The following PTBP3 variants were observed in gnomAD, a reference collection of about 807,000 sequenced individuals.
PTBP3 encodes polypyrimidine tract-binding protein 3.
PTBP3 carries 20 observed loss-of-function variants against 58.7 expected under a neutral mutation model. The observed-to-expected ratio is 0.34, with a 90% CI of 0.24 to 0.50. The LOEUF (loss-of-function observed/expected upper bound fraction) is 0.50. Among genes scored for constraint, PTBP3 ranks in the 20% least tolerant of loss-of-function variants. The pLI is 0.98. For synonymous variants in PTBP3, 185 were observed against 219.8 expected (o/e 0.84, Z 1.40); for missense variants, 509 against 637.2 (o/e 0.80, Z 2.17).
intron 2 of PTBP3, among the ~76,000 whole-genome samples, chr9:112,291,979 TA>T (rs1218537148): frequency 6.6e-6 from 1 of 151,916 alleles, no homozygotes; most frequent in Non-Finnish European, 1.5e-5. Flanking sequence ...TGGGGGTTAA[TA>T]ATCAGAATAC....
the PTBP3 span, among the ~76,000 whole-genome samples, chr9:112,373,250 A>G: frequency 3.3e-5 from 5 of 152,288 alleles, no homozygotes; most frequent in South Asian, 6.2e-4. Context: ...ACAATAAGCC[A>G]TGTACAAGCT....
chr9:112,238,025 A>T (rs1364740397), intron 7 of PTBP3, among the ~76,000 whole-genome samples: 1 of 152,192 alleles, frequency 6.6e-6, no homozygotes, highest in Non-Finnish European at 1.5e-5. Context: ...TTCTCTCTGG[A>T]GGAACAAACA....
chr9:112,252,951 T>C (rs1030786752), intron 5 of PTBP3, among the ~76,000 whole-genome samples, 163 bp from the exon 6 acceptor site: 1 of 152,198 alleles, frequency 6.6e-6, no homozygotes, highest in African/African-American at 2.4e-5. Flanking sequence ...TCAATACCCA[T>C]GACTATCTTA....
intron 1 of PTBP3, among the ~76,000 whole-genome samples, chr9:112,300,526 G>A (rs1212772118): frequency 1.3e-5 from 2 of 152,130 alleles, no homozygotes; most frequent in Non-Finnish European, 2.9e-5. Context: ...GGCTTGGCGG[G>A]CGGATCACAA....
In PTBP3 at chr9:112,220,063, C is replaced by T. The variant is rs1834749869; in HGVS notation, c.*3788G>A. On this transcript the variant is annotated 3_prime_UTR_variant, in exon 14 of 14. Coordinates refer to ENST00000374257, the MANE Select transcript of PTBP3 (RefSeq NM_001163788.4). The stretch of plus-strand genomic sequence containing the variant: ...TTAACAGATCAAGACAAAGGAAAGG[C>T]TAAGAAAAATGCTTTACGCATCGTC... The T allele has an allele frequency of 1.7e-6, 2 of 1,170,700 alleles. No homozygotes were observed. The highest frequency in any genetic ancestry group is 1.2e-4 in the East Asian group (2 of 16,266). The allele number at this position is 1,170,700 out of a possible 1,614,324, so 72.5% of individuals were successfully genotyped here. A position where few individuals can be genotyped will look rare whatever the true frequency, so the allele number is the denominator to read the frequency against.
chr9:112,346,563 A>G, the PTBP3 span, among the ~76,000 whole-genome samples: 1 of 152,256 alleles, frequency 6.6e-6, no homozygotes, highest in Non-Finnish European at 1.5e-5. Flanking sequence ...TACCAACCTC[A>G]TACCCATATA....
intron 1 of PTBP3, among the ~76,000 whole-genome samples, chr9:112,327,938 C>T (rs939301800): frequency 6.6e-6 from 1 of 152,146 alleles, no homozygotes; most frequent in Non-Finnish European, 1.5e-5. Context: ...ACACTGGAAA[C>T]ACAGTAGTGA....
At chr9:112,230,639 A>C (rs953652127) in intron 10 of PTBP3, among the ~76,000 whole-genome samples, 1 of 152,224 alleles carries the variant, frequency 6.6e-6, no homozygotes, top group Admixed American at 6.5e-5. Flanking sequence ...GTAGTGAAAT[A>C]ATCTACCCTT....
intron 7 of PTBP3, among the ~76,000 whole-genome samples, chr9:112,246,880 C>A (rs1835900781): frequency 6.6e-6 from 1 of 152,070 alleles, no homozygotes; most frequent in Admixed American, 6.5e-5. Flanking sequence ...CATCATGTGT[C>A]TCCTAATGTA....
upstream of PTBP3, among the ~76,000 whole-genome samples, chr9:112,334,321 G>C (rs1432390730): frequency 6.6e-6 from 1 of 152,054 alleles, no homozygotes; most frequent in Admixed American, 6.5e-5. Flanking sequence ...GTACAAACAT[G>C]GAATGGCTAT....
rs761503557 is a variant in PTBP3 at position 112,250,909 on chromosome 9, C to A, written c.802+20G>T. The A allele has an allele frequency of 6.1e-6, 9 of 1,475,754 alleles. No individual in the cohort carries two copies. The African/African-American group carries it at 8.6e-5, about 14-fold the overall frequency. The allele number at this position is 1,475,754 out of a possible 1,614,324, so 91.4% of individuals were successfully genotyped here. On this transcript the variant is annotated intron_variant, in intron 7 of 13. Coordinates refer to ENST00000374257, the MANE Select transcript of PTBP3 (RefSeq NM_001163788.4). ...TAACTTCAGAAAACTTGCTTTGTGA[C>A]CCAAAAAAGAACTACTCACCAAAAG...
the PTBP3 span, among the ~76,000 whole-genome samples, chr9:112,358,169 G>C: frequency 2.6e-5 from 4 of 152,192 alleles, no homozygotes; most frequent in African/African-American, 9.6e-5. Flanking sequence ...AATTAGCTGG[G>C]CGTGGTGGCA....
rs1259604860 is a variant in PTBP3 at position 112,271,362 on chromosome 9, T to TTA, written c.205-3169_205-3168dup. On this transcript the variant is annotated intron_variant, in intron 3 of 13. Coordinates refer to ENST00000374257, the MANE Select transcript of PTBP3 (RefSeq NM_001163788.4). ...CTCCAGTGAGCATTTCCTTTGACTG[T>TTA]TATGGTGCTCAAAAAGTTTCAGATT... 3.3e-5 allele frequency among the ~76,000 whole-genome samples: 5 copies of TTA among 152,342 alleles called. No homozygotes were observed. In the East Asian group the frequency reaches 9.6e-4, roughly 29 times the overall value.
At chr9:112,299,968 T>C (rs1538771) in intron 1 of PTBP3, among the ~76,000 whole-genome samples, 127,944 of 152,244 alleles carry the variant, frequency 0.84, 54,055 homozygotes, top group African/African-American at 0.92. Context: ...TTTTAAACAA[T>C]TTATAAATGA....
chr9:112,323,446 C>T (rs1012763852), intron 1 of PTBP3, among the ~76,000 whole-genome samples: 14 of 152,158 alleles, frequency 9.2e-5, no homozygotes, highest in African/African-American at 3.1e-4. Flanking sequence ...AGAAAAGTGC[C>T]ATGGTATTGG....
At chr9:112,297,562 T>C (rs1180883392) in intron 2 of PTBP3, among the ~76,000 whole-genome samples, 3 of 152,174 alleles carry the variant, frequency 2.0e-5, no homozygotes, top group African/African-American at 7.2e-5. Flanking sequence ...CACCAATTTA[T>C]TGACAGTATT....
chr9:112,224,235 A>G, intron 12 of PTBP3, 25 bp from the exon 13 acceptor site: 3 of 1,429,796 alleles, frequency 2.1e-6, no homozygotes, highest in Non-Finnish European at 2.8e-6. Flanking sequence ...GAGGGAGTCA[A>G]CTACCTGGGC....
chr9:112,371,646 AT>A, the PTBP3 span, among the ~76,000 whole-genome samples: 38 of 127,538 alleles, frequency 3.0e-4, no homozygotes, highest in South Asian at 1.3e-3. Flanking sequence ...TTTTTAGTAG[AT>A]TTTTTTTTTT....
At chr9:112,243,875 G>A (rs1408797717) in intron 7 of PTBP3, among the ~76,000 whole-genome samples, 1 of 152,132 alleles carries the variant, frequency 6.6e-6, no homozygotes, top group African/African-American at 2.4e-5. Context: ...TAGAAAGAAA[G>A]AGAAATGCAG....
Sources: gnomAD v4.1 joint callset for allele counts (sites outside exome capture counted in the v4.1 genomes callset) on GRCh38, gnomAD v4.1.1 for gene constraint, MANE v1.5 for transcripts, NCBI Gene and HGNC (gene_info 2026-07-23, HGNC 2026-07-21) for gene names.